Variants in ANK3 observed in about 807,000 individuals in gnomAD.
ANK3 encodes ankyrin-3.
Under a neutral mutation model 370.9 loss-of-function variants are expected in ANK3, and 57 were observed. That is an observed-to-expected ratio of 0.15 (90% confidence interval 0.12 to 0.19). The LOEUF is 0.19. Among genes scored for constraint, ANK3 ranks in the 10% least tolerant of loss-of-function variants. The pLI is 1.00. For missense variants in ANK3, 4,439 were observed against 5,302.1 expected, an observed-to-expected ratio of 0.84 and a Z score of 5.06; for synonymous variants, 1,929 against 1,946.3, an observed-to-expected ratio of 0.99 and a Z score of 0.23.
Position 60,108,991 on chromosome 10 carries a change from C to A in ANK3, c.3012G>T (p.Gly1004=). The A allele has an allele frequency of 6.2e-7, 1 of 1,614,008 alleles. No homozygotes were observed. The highest frequency in any genetic ancestry group is 8.5e-7 in the Non-Finnish European group (1 of 1,179,982). Residue 1004 remains glycine, a synonymous_variant, in exon 27 of 44, where the codon GGG becomes GGT. Transcript: ENST00000280772. ...TGCGTGGAGGAATGATGATTCTCAT[C>A]CCGTGATGACGGCTTCCTCTCATGG... ...GGSMRGSRHH[G]MRIIIPPRKC... is the part of the protein sequence containing the mutation.
intron 2 of ANK3, among the ~76,000 whole-genome samples, chr10:60,428,706 T>A (rs2063946579): frequency 6.6e-6 from 1 of 152,204 alleles, no homozygotes; most frequent in Non-Finnish European, 1.5e-5. Context: ...ATCAGTATTA[T>A]CTTCTCCCTT....
intron 2 of ANK3, among the ~76,000 whole-genome samples, chr10:60,509,945 A>G (rs1309821443): frequency 1.3e-5 from 2 of 152,072 alleles, no homozygotes; most frequent in Non-Finnish European, 2.9e-5. Context: ...CTTTCAAAGC[A>G]TCCCCACATG....
intron 1 of ANK3, among the ~76,000 whole-genome samples, chr10:60,693,156 A>C (rs971463228): frequency 6.6e-6 from 1 of 152,184 alleles, no homozygotes; most frequent in Non-Finnish European, 1.5e-5. Context: ...AGCACCTGGA[A>C]AATCGGGTCA....
chr10:60,480,162 T>C (rs1449310964), intron 2 of ANK3, among the ~76,000 whole-genome samples: 1 of 152,120 alleles, frequency 6.6e-6, no homozygotes, highest in Non-Finnish European at 1.5e-5. Flanking sequence ...AGCACTTGAC[T>C]CATGACAAGG....
chr10:60,353,153 G>GTTTTT (rs1481181095), intron 1 of ANK3, among the ~76,000 whole-genome samples: 22 of 135,862 alleles, frequency 1.6e-4, no homozygotes, highest in South Asian at 5.0e-4. Flanking sequence ...GCTAATTTTT[G>GTTTTT]TTTTGTTTTT....
chr10:60,352,343 C>T (rs2057016889), intron 1 of ANK3, among the ~76,000 whole-genome samples: 2 of 152,180 alleles, frequency 1.3e-5, no homozygotes, highest in African/African-American at 4.8e-5. Context: ...CTCTTTCTCA[C>T]TTGTGATAAT....
At chr10:60,266,216 T>C (rs1418952670) in intron 5 of ANK3, among the ~76,000 whole-genome samples, 1 of 152,188 alleles carries the variant, frequency 6.6e-6, no homozygotes, top group Non-Finnish European at 1.5e-5. Context: ...AACTTTAGGA[T>C]ATAACAAGAA....
chr10:60,490,900 CCCT>C (rs2075481106), intron 2 of ANK3, among the ~76,000 whole-genome samples: 1 of 152,166 alleles, frequency 6.6e-6, no homozygotes, highest in Non-Finnish European at 1.5e-5. Flanking sequence ...GCATCTCCAT[CCCT>C]CAAGAAAGTT....
intron 6 of ANK3, among the ~76,000 whole-genome samples, chr10:60,263,492 T>G (rs923471513): frequency 1.3e-5 from 2 of 152,204 alleles, no homozygotes; most frequent in African/African-American, 4.8e-5. Flanking sequence ...TTGTGTACAC[T>G]GTCTTCAGTA....
intron 23 of ANK3, among the ~76,000 whole-genome samples, chr10:60,149,939 C>T (rs1167997660): frequency 6.6e-6 from 1 of 152,214 alleles, no homozygotes; most frequent in Non-Finnish European, 1.5e-5. Flanking sequence ...AAACTCCTGA[C>T]CTCAGGTGAT....
chr10:60,363,970 GTT>G (rs113960102), intron 1 of ANK3, among the ~76,000 whole-genome samples: 2,006 of 138,192 alleles, frequency 0.015, 27 homozygotes, highest in East Asian at 0.031. Flanking sequence ...AAGGAGAAGT[GTT>G]TTTTTTTTTT....
chr10:60,379,650 G>A (rs539473351), intron 1 of ANK3, among the ~76,000 whole-genome samples: 6 of 151,978 alleles, frequency 3.9e-5, no homozygotes, highest in African/African-American at 1.2e-4. Context: ...TCATTCATAC[G>A]CAGACACTAA....
At chr10:60,103,546 T>C (rs1394824699) in intron 28 of ANK3, among the ~76,000 whole-genome samples, 2 of 151,968 alleles carry the variant, frequency 1.3e-5, no homozygotes, top group African/African-American at 4.8e-5. Flanking sequence ...GAATGAAGTG[T>C]TTTTGGGGAT....
intron 3 of ANK3, 78 bp downstream of exon 3, chr10:60,278,972 G>T (rs2098127214): frequency 6.4e-7 from 1 of 1,554,996 alleles, no homozygotes; most frequent in Non-Finnish European, 8.9e-7. Flanking sequence ...TGAGATATGT[G>T]CCCCCATTCT....
chr10:60,689,257 G>T (rs934421415), intron 1 of ANK3, among the ~76,000 whole-genome samples: 2 of 152,160 alleles, frequency 1.3e-5, no homozygotes, highest in African/African-American at 4.8e-5. Context: ...AAATTAGCCA[G>T]ATGTGGTGCC....
chr10:60,091,736 GT>G (rs71015765), intron 28 of ANK3, among the ~76,000 whole-genome samples: 164 of 145,302 alleles, frequency 1.1e-3, no homozygotes, highest in African/African-American at 3.7e-3. Context: ...GCACATTTTT[GT>G]TTTTTTTTTT....
At chr10:60,254,922 C>T (rs1325067564) in intron 7 of ANK3, among the ~76,000 whole-genome samples, 2 of 152,168 alleles carry the variant, frequency 1.3e-5, no homozygotes, top group African/African-American at 2.4e-5. Flanking sequence ...TAAATATATA[C>T]TGAGTCCCTC....
At chr10:60,180,225 C>A (rs1350148582) in intron 18 of ANK3, among the ~76,000 whole-genome samples, 1 of 152,168 alleles carries the variant, frequency 6.6e-6, no homozygotes, top group Non-Finnish European at 1.5e-5. Context: ...ACCTCAGAAC[C>A]TGCCTATATT....
chr10:60,561,708 T>C (rs1218126822), intron 2 of ANK3, among the ~76,000 whole-genome samples: 1 of 152,222 alleles, frequency 6.6e-6, no homozygotes, highest in African/African-American at 2.4e-5. Context: ...GGTCAAATGA[T>C]GTTTCTTCCT....
Sources: gnomAD v4.1 joint callset for allele counts (sites outside exome capture counted in the v4.1 genomes callset) on GRCh38, gnomAD v4.1.1 for gene constraint, MANE v1.5 for transcripts, NCBI Gene and HGNC (gene_info 2026-07-23, HGNC 2026-07-21) for gene names.